RAPH1: variants seen among roughly 807,000 people sequenced by gnomAD.
RAPH1 encodes the protein Ras association (RalGDS/AF-6) and pleckstrin homology domains 1, also known as ras-associated and pleckstrin homology domains-containing protein 1.
Under a neutral mutation model 88.1 loss-of-function variants are expected in RAPH1, and 18 were observed. That is an observed-to-expected ratio of 0.20 (90% confidence interval 0.14 to 0.30). The LOEUF (loss-of-function observed/expected upper bound fraction) is 0.30. RAPH1 is among the 10% of genes least tolerant of loss of function. The pLI is 1.00. For synonymous variants in RAPH1, 587 were observed against 559.0 expected (o/e 1.05, Z -0.71); for missense variants, 1,448 against 1,543.2 (o/e 0.94, Z 1.03).
intron 4 of RAPH1, among the ~76,000 whole-genome samples, chr2:203,462,194 A>G (rs1485266366): frequency 1.3e-5 from 2 of 152,230 alleles, no homozygotes; most frequent in Non-Finnish European, 2.9e-5. Flanking sequence ...TAAATTACCA[A>G]GTTTGATTCT....
chr2:203,461,530 T>C, intron 5 of RAPH1, 122 bp from the exon 6 acceptor site: 1 of 707,398 alleles, frequency 1.4e-6, no homozygotes, highest in Non-Finnish European at 2.1e-6. Flanking sequence ...ACACAAATAA[T>C]GACTTCATTA....
intron 13 of RAPH1, chr2:203,443,354 T>C (rs2098506017): frequency 6.6e-6 from 1 of 152,170 alleles, no homozygotes; most frequent in Admixed American, 6.5e-5. Context: ...TGGAGTGACC[T>C]CTTGCATATT....
chr2:203,506,874 A>ATCTATATATC (rs1559494989), intron 1 of RAPH1, among the ~76,000 whole-genome samples: 1 of 96,622 alleles, frequency 1.0e-5, no homozygotes, highest in Admixed American at 1.1e-4. Flanking sequence ...ATATATATAT[A>ATCTATATATC]TATATAGATA....
At chr2:203,511,689 A>T (rs1689348122) in intron 1 of RAPH1, among the ~76,000 whole-genome samples, 1 of 151,838 alleles carries the variant, frequency 6.6e-6, no homozygotes, top group Admixed American at 6.6e-5. Context: ...TACCTTCTTT[A>T]CATTTCCATT....
chr2:203,499,424 CA>C (rs922725381), intron 1 of RAPH1, among the ~76,000 whole-genome samples: 135 of 139,852 alleles, frequency 9.7e-4, no homozygotes, highest in South Asian at 2.1e-3. Context: ...TTAACAGCAA[CA>C]AAAAAAAAAA....
At chr2:203,457,503 T>C in intron 8 of RAPH1, 27 bp downstream of exon 8, 1 of 1,588,982 alleles carries the variant, frequency 6.3e-7, no homozygotes, top group Non-Finnish European at 8.6e-7. Flanking sequence ...AATTTTTAAA[T>C]GTGCAGGAAA....
chr2:203,496,973 C>T (rs1360897306), intron 1 of RAPH1, among the ~76,000 whole-genome samples: 3 of 152,166 alleles, frequency 2.0e-5, no homozygotes, highest in Non-Finnish European at 4.4e-5. Context: ...TATGCCTAAT[C>T]TTTACTAACT....
chr2:203,481,591 A>G (rs1295633887), intron 4 of RAPH1, among the ~76,000 whole-genome samples: 1 of 147,298 alleles, frequency 6.8e-6, no homozygotes, highest in South Asian at 2.1e-4. Context: ...ATATATATAT[A>G]TATACACATT....
intron 1 of RAPH1, among the ~76,000 whole-genome samples, chr2:203,520,053 C>A (rs893953656): frequency 1.3e-5 from 2 of 152,134 alleles, no homozygotes; most frequent in East Asian, 3.8e-4. Flanking sequence ...AGAGGCCAGG[C>A]ACAGTGGCTC....
rs77510179 is a variant in RAPH1, at chr2:203,459,897, T to C, written c.1092+10A>G. Reference sequence around the variant, plus strand: ...ACAAATCCTGACCTCTGTAAGTTGTTTGGTCTTACCTGTGGGTTTTTGAAA... The same window carrying C: ...ACAAATCCTGACCTCTGTAAGTTGTCTGGTCTTACCTGTGGGTTTTTGAAA... On this transcript the variant is annotated intron_variant, in intron 7 of 13. Coordinates refer to ENST00000319170, the MANE Select transcript of RAPH1 (RefSeq NM_213589.3). 29 of 1,609,330 alleles carry C rather than the reference T, an allele frequency of 1.8e-5. No individual in the cohort carries two copies. In the East Asian group the frequency reaches 3.8e-4, roughly 21 times the overall value.
At chr2:203,445,849 C>G (rs1439072377) in intron 12 of RAPH1, 3 of 152,134 alleles carry the variant, frequency 2.0e-5, no homozygotes, top group Non-Finnish European at 4.4e-5. Context: ...TTTAAGATAT[C>G]TACATATTAG....
At chr2:203,458,088 C>T (rs927223813) in intron 7 of RAPH1, among the ~76,000 whole-genome samples, 2 of 152,052 alleles carry the variant, frequency 1.3e-5, no homozygotes, top group Non-Finnish European at 2.9e-5. Context: ...AATCTGAATT[C>T]TGGCTGGGTG....
intron 1 of RAPH1, among the ~76,000 whole-genome samples, chr2:203,497,191 C>T (rs1016812749): frequency 5.3e-5 from 8 of 152,188 alleles, no homozygotes; most frequent in African/African-American, 7.2e-5. Flanking sequence ...GAGCACATCT[C>T]GTGCCTCCCT....
At chr2:203,442,229 A>C (rs1311107087) in intron 13 of RAPH1, 12 of 722,172 alleles carry the variant, frequency 1.7e-5, no homozygotes, top group African/African-American at 5.5e-5. Flanking sequence ...GCATTTGCCA[A>C]CAACCAACCC....
At chr2:203,458,877 C>T (rs2098522007) in intron 7 of RAPH1, among the ~76,000 whole-genome samples, 1 of 152,128 alleles carries the variant, frequency 6.6e-6, no homozygotes, top group South Asian at 2.1e-4. Flanking sequence ...ATTCTCCTGC[C>T]TCAGCCTCCC....
At chr2:203,516,857 C>A (rs560117065) in intron 1 of RAPH1, among the ~76,000 whole-genome samples, 28 of 152,180 alleles carry the variant, frequency 1.8e-4, no homozygotes, top group Non-Finnish European at 3.2e-4. Context: ...CACGGTGACA[C>A]CCCGTCTCTA....
At chr2:203,524,268 T>A (rs1020889250) in intron 1 of RAPH1, among the ~76,000 whole-genome samples, 38 of 152,162 alleles carry the variant, frequency 2.5e-4, no homozygotes, top group African/African-American at 9.2e-4. Context: ...ATGGCTAGAA[T>A]GAGAAAGACT....
In RAPH1 at chr2:203,434,683, C is replaced by T. The variant is rs2098497004; in HGVS notation, c.*4754G>A. The T allele has an allele frequency of 1.3e-5, 2 of 152,406 alleles. No individual in the cohort carries two copies. The highest frequency in any genetic ancestry group is 2.9e-5 in the Non-Finnish European group (2 of 68,018). The allele number at this position is 152,406 out of a possible 1,614,324, so 9.4% of individuals were successfully genotyped here. The stretch of plus-strand genomic sequence containing the variant: ...TTGCAAAATATAAGGGTTTCTCCCC[C>T]TTTAGTGCTGCAGACAAGTTTTACT... On this transcript the variant is annotated 3_prime_UTR_variant, in exon 14 of 14. Transcript: ENST00000319170.
chr2:203,455,049 C>T (rs371853752), intron 9 of RAPH1, among the ~76,000 whole-genome samples: 23 of 152,062 alleles, frequency 1.5e-4, no homozygotes, highest in African/African-American at 4.8e-4. Flanking sequence ...CAATAAGCAC[C>T]GAAGTGATAG....
Sources: allele counts gnomAD v4.1 joint callset (sites outside exome capture counted in the v4.1 genomes callset), GRCh38; gene constraint gnomAD v4.1.1; transcripts MANE v1.5; gene names NCBI Gene and HGNC (gene_info 2026-07-23, HGNC 2026-07-21).